GRM7: variants seen among roughly 807,000 people sequenced by gnomAD.
GRM7 encodes glutamate metabotropic receptor 7.
A neutral mutation model predicts 84.5 loss-of-function variants in GRM7; 35 were observed. The ratio of observed to expected loss-of-function variants is 0.41; its 90% CI spans 0.32 to 0.55. The LOEUF (loss-of-function observed/expected upper bound fraction) is 0.55. GRM7 is among the 20% of genes least tolerant of loss of function. The probability of loss-of-function intolerance (pLI) is 0.19; values close to 1 mark genes in which losing one functional copy is unlikely to be tolerated. For synonymous variants in GRM7, 487 were observed against 455.1 expected (o/e 1.07, Z -0.89); for missense variants, 1,003 against 1,194.6 (o/e 0.84, Z 2.36).
chr3:7,478,821 G>A (rs919781957), intron 7 of GRM7, among the ~76,000 whole-genome samples: 8 of 152,114 alleles, frequency 5.3e-5, no homozygotes, highest in Admixed American at 1.3e-4. Context: ...TCTCCCCCCA[G>A]GCATGCAGTC....
intron 1 of GRM7, among the ~76,000 whole-genome samples, chr3:7,130,939 T>TCA (rs576425087): frequency 0.026 from 3,800 of 148,594 alleles, 58 homozygotes; most frequent in African/African-American, 0.038. Context: ...CTTCACTCAC[T>TCA]CACACACACA....
chr3:7,299,294 C>A (rs923919241), intron 3 of GRM7, among the ~76,000 whole-genome samples: 10 of 152,098 alleles, frequency 6.6e-5, no homozygotes, highest in African/African-American at 2.4e-4. Flanking sequence ...ACTCAAAAAT[C>A]TGCTTGTAAT....
At chr3:7,319,504 T>G (rs1220586137) in intron 4 of GRM7, among the ~76,000 whole-genome samples, 1 of 152,038 alleles carries the variant, frequency 6.6e-6, no homozygotes, top group African/African-American at 2.4e-5. Context: ...GGAATATGGG[T>G]TCTAGCATTT....
chr3:7,156,592 A>G (rs570002948), intron 2 of GRM7, among the ~76,000 whole-genome samples: 5 of 152,246 alleles, frequency 3.3e-5, no homozygotes, highest in South Asian at 4.1e-4. Flanking sequence ...CATATCTGTT[A>G]TATGAAAACA....
intron 1 of GRM7, among the ~76,000 whole-genome samples, chr3:7,064,957 T>C (rs1697598528): frequency 6.6e-6 from 1 of 152,018 alleles, no homozygotes; most frequent in Non-Finnish European, 1.5e-5. Flanking sequence ...GGACATTTTT[T>C]CATATGTTCA....
chr3:7,531,582 G>A (rs929468344), intron 7 of GRM7, among the ~76,000 whole-genome samples: 4 of 152,120 alleles, frequency 2.6e-5, no homozygotes, highest in East Asian at 1.9e-4. Flanking sequence ...AATTGTCAAT[G>A]GGAGTTCACT....
chr3:7,393,588 C>T (rs1032723577), intron 4 of GRM7, among the ~76,000 whole-genome samples: 10 of 152,146 alleles, frequency 6.6e-5, no homozygotes, highest in African/African-American at 1.4e-4. Context: ...ACAATGTGTT[C>T]GAAATATGAG....
chr3:7,473,518 G>GAGAGAA (rs1303563986), intron 7 of GRM7, among the ~76,000 whole-genome samples: 1 of 151,476 alleles, frequency 6.6e-6, no homozygotes, highest in African/African-American at 2.4e-5. Flanking sequence ...GAGAGAGAGA[G>GAGAGAA]AGAGAGAGAG....
intron 4 of GRM7, among the ~76,000 whole-genome samples, chr3:7,325,596 G>C (rs952038905): frequency 6.6e-6 from 1 of 152,178 alleles, no homozygotes; most frequent in Non-Finnish European, 1.5e-5. Flanking sequence ...CTGAGGGATA[G>C]ATATCCCAGC....
At chr3:7,183,076 A>G (rs967198835) in intron 2 of GRM7, among the ~76,000 whole-genome samples, 1 of 152,116 alleles carries the variant, frequency 6.6e-6, no homozygotes, top group African/African-American at 2.4e-5. Flanking sequence ...TTCATAAAGT[A>G]TATCGTTGCC....
intron 7 of GRM7, among the ~76,000 whole-genome samples, chr3:7,478,819 C>G (rs1037072435): frequency 1.3e-5 from 2 of 152,194 alleles, no homozygotes; most frequent in Admixed American, 6.5e-5. Flanking sequence ...CATCTCCCCC[C>G]AGGCATGCAG....
At chr3:7,033,694 A>G (rs2124930645) in intron 1 of GRM7, among the ~76,000 whole-genome samples, 1 of 152,294 alleles carries the variant, frequency 6.6e-6, no homozygotes, top group Admixed American at 6.5e-5. Flanking sequence ...ATGCCTAAAA[A>G]ACAATAAGCA....
chr3:7,131,610 C>T (rs547371154), intron 1 of GRM7, among the ~76,000 whole-genome samples: 11 of 152,008 alleles, frequency 7.2e-5, no homozygotes, highest in South Asian at 2.1e-4. Context: ...TCCTGAGTAG[C>T]GGGGACTACA....
At chr3:7,601,794 C>A (rs191493972) in intron 8 of GRM7, among the ~76,000 whole-genome samples, 8 of 151,920 alleles carry the variant, frequency 5.3e-5, no homozygotes, top group African/African-American at 1.9e-4. Flanking sequence ...GAAAGAGAGA[C>A]CCTAACTCTC....
At chr3:6,874,280 C>T (rs1695227435) in intron 1 of GRM7, among the ~76,000 whole-genome samples, 1 of 152,160 alleles carries the variant, frequency 6.6e-6, no homozygotes. Flanking sequence ...ACTCCGAGAT[C>T]CTTCCTTTTC....
At position 7,724,947 on chromosome 3, in the gene GRM7, T is replaced by A. The variant is rs1031215139; in HGVS notation, c.2699-15410T>A. On this transcript the variant is annotated intron_variant, in intron 9 of 9. Transcript: ENST00000357716. ...CCCAGCTGTTGTTTTATTATTATTT[T>A]TTTTTTATTTTTTACAGAGATGGGG... Among the ~76,000 whole-genome samples, 22 of 152,210 alleles carry A rather than the reference T, an allele frequency of 1.4e-4. No homozygotes were observed. In the East Asian group the frequency reaches 2.1e-3, roughly 15 times the overall value.
chr3:7,404,358 T>C (rs1695586517), intron 4 of GRM7, among the ~76,000 whole-genome samples: 1 of 152,186 alleles, frequency 6.6e-6, no homozygotes, highest in Admixed American at 6.5e-5. Flanking sequence ...TGGTAGATTC[T>C]TGGTGATTGG....
chr3:7,367,426 A>G (rs796854545), intron 4 of GRM7, among the ~76,000 whole-genome samples: 7 of 152,100 alleles, frequency 4.6e-5, no homozygotes, highest in African/African-American at 1.7e-4. Context: ...ACAAGAAGCA[A>G]TATTTCTTAT....
intron 2 of GRM7, among the ~76,000 whole-genome samples, chr3:7,201,533 C>A (rs1484718726): frequency 6.6e-6 from 1 of 152,000 alleles, no homozygotes; most frequent in African/African-American, 2.4e-5. Flanking sequence ...AAGTCTGTTG[C>A]CAATTTAGAC....
Sources: allele counts gnomAD v4.1 joint callset (sites outside exome capture counted in the v4.1 genomes callset), GRCh38; gene constraint gnomAD v4.1.1; transcripts MANE v1.5; gene names NCBI Gene and HGNC (gene_info 2026-07-23, HGNC 2026-07-21).